Variants in FBXW8 observed in about 807,000 individuals in gnomAD.
FBXW8 encodes the protein F-box/WD repeat-containing protein 8.
Under a neutral mutation model 65.3 loss-of-function variants are expected in FBXW8, and 57 were observed. The ratio of observed to expected loss-of-function variants is 0.87; its 90% CI spans 0.71 to 1.09. The LOEUF (loss-of-function observed/expected upper bound fraction) is 1.09. FBXW8 is among the 50% of genes least tolerant of loss of function. The pLI, the probability that FBXW8 is intolerant of heterozygous loss-of-function variation, is 0.00. For missense variants in FBXW8, 777 were observed against 814.8 expected, an observed-to-expected ratio of 0.95 and a Z score of 0.57; for synonymous variants, 308 against 330.2, an observed-to-expected ratio of 0.93 and a Z score of 0.73.
At position 116,985,235 on chromosome 12, in the gene FBXW8, G is replaced by T. The variant is rs138718240; in HGVS notation, c.865G>T (p.Gly289Ter). The T allele has an allele frequency of 6.2e-7, 1 of 1,610,224 alleles. No individual in the cohort carries two copies. Among genetic ancestry groups the T allele is most frequent in the Non-Finnish European group, 8.5e-7 (1 of 1,178,920 alleles). Reference sequence around the variant, plus strand: ...TCTTAATATTTGGGATTTAAGGACCGGAAAGTACCCTGTTCATCGTTTTGA... The same window carrying T: ...TCTTAATATTTGGGATTTAAGGACCTGAAAGTACCCTGTTCATCGTTTTGA... Reference protein sequence around the residue: ...GFLNIWDLRTGKYPVHRFEHD... With the variant: ...GFLNIWDLRT Residue 289 changes from glycine to a stop codon, truncating the protein, a stop_gained, in exon 6 of 11, where the codon GGA (glycine) becomes TGA (stop). Transcript: ENST00000652555. LOFTEE classifies it high-confidence loss of function.
intron 4 of FBXW8, among the ~76,000 whole-genome samples, chr12:116,954,172 G>A (rs971655176): frequency 1.3e-5 from 2 of 150,932 alleles, no homozygotes; most frequent in Non-Finnish European, 2.9e-5. Flanking sequence ...TTTTGCAACC[G>A]TGTTAGAAAG....
At chr12:117,012,297 T>A (rs1953840759) in intron 8 of FBXW8, among the ~76,000 whole-genome samples, 1 of 152,170 alleles carries the variant, frequency 6.6e-6, no homozygotes, top group Admixed American at 6.5e-5. Context: ...ACATTTTTTT[T>A]TAAAACGCTC....
At chr12:116,993,214 C>T (rs1368339117) in intron 7 of FBXW8, among the ~76,000 whole-genome samples, 2 of 150,332 alleles carry the variant, frequency 1.3e-5, no homozygotes, top group Non-Finnish European at 3.0e-5. Flanking sequence ...AGCAGTTCTC[C>T]AGCCTTAGCC....
chr12:117,027,926 T>C, intron 10 of FBXW8, 102 bp from the exon 11 acceptor site: 1 of 1,491,978 alleles, frequency 6.7e-7, no homozygotes, highest in Non-Finnish European at 9.1e-7. Flanking sequence ...AAGCTGAACC[T>C]CTATCTGGTC....
intron 2 of FBXW8, among the ~76,000 whole-genome samples, chr12:116,940,947 A>G (rs1017673983): frequency 6.6e-6 from 1 of 152,226 alleles, no homozygotes; most frequent in African/African-American, 2.4e-5. Flanking sequence ...TATGAAAAAT[A>G]GTGGAAGGAA....
chr12:117,008,311 TTTA>T (rs1953725923), intron 7 of FBXW8, among the ~76,000 whole-genome samples: 1 of 152,236 alleles, frequency 6.6e-6, no homozygotes. Context: ...GGTTGCTCTT[TTTA>T]TTTTCTCCCT....
At position 117,010,316 on chromosome 12, in the gene FBXW8, C is replaced by T. The variant is rs564642656; in HGVS notation, c.1240-7C>T. The stretch of plus-strand genomic sequence containing the variant: ...TGTGGGCCCACACATTTCTCTTCCT[C>T]TCTCAGATCCTGGTGTATAGCCTGG... On this transcript the variant is annotated splice_region_variant and splice_polypyrimidine_tract_variant and intron_variant, in intron 7 of 10. Coordinates refer to ENST00000652555, the MANE Select transcript of FBXW8 (RefSeq NM_153348.3). 6.2e-7 allele frequency: 1 copy of T among 1,614,108 alleles called. No individual in the cohort carries two copies.
rs1320826274 is a variant in FBXW8, at chr12:117,028,854, G to GA, written c.*685dup. 4 of 152,546 alleles carry GA rather than the reference G, an allele frequency of 2.6e-5. No individual in the cohort carries two copies. The highest frequency in any genetic ancestry group is 9.7e-5 in the African/African-American group (4 of 41,436). 9.4% of individuals were successfully genotyped at this position (152,546 alleles called of 1,614,324 possible). On this transcript the variant is annotated 3_prime_UTR_variant, in exon 11 of 11. Coordinates refer to ENST00000652555, the MANE Select transcript of FBXW8 (RefSeq NM_153348.3). This position sits in a 1 kb window ranked among gnomAD's most constrained non-coding sequence, Gnocchi z 4.1. ...TCATTGACTAAACAGCCATCAAGAT[G>GA]AAACAGGACAGGAGAGAACTGTTCA...
intron 7 of FBXW8, among the ~76,000 whole-genome samples, chr12:117,003,318 A>G (rs1309526324): frequency 6.6e-6 from 1 of 152,216 alleles, no homozygotes; most frequent in Non-Finnish European, 1.5e-5. Context: ...CAAACACTGC[A>G]CAGGTATCCA....
At chr12:117,022,964 C>CTTAAGCCAT (rs1954136385) in intron 8 of FBXW8, among the ~76,000 whole-genome samples, 1 of 152,232 alleles carries the variant, frequency 6.6e-6, no homozygotes, top group South Asian at 2.1e-4. Context: ...CCAGGTCCCA[C>CTTAAGCCAT]TTAAGCCATC....
At chr12:116,923,789 C>G (rs931879435) in intron 1 of FBXW8, among the ~76,000 whole-genome samples, 1 of 152,096 alleles carries the variant, frequency 6.6e-6, no homozygotes, top group Non-Finnish European at 1.5e-5. Flanking sequence ...GGCGCGATCT[C>G]GGCTCACTGC....
At chr12:116,967,958 G>C (rs1467854158) in intron 5 of FBXW8, among the ~76,000 whole-genome samples, 1 of 152,028 alleles carries the variant, frequency 6.6e-6, no homozygotes, top group Non-Finnish European at 1.5e-5. Flanking sequence ...AGTAGAGCTG[G>C]GCTTTCACCA....
chr12:116,939,644 A>G lies in FBXW8; in HGVS notation c.424-5720A>G, dbSNP rs542195834. Among the ~76,000 whole-genome samples, 8 of 152,304 alleles carry G rather than the reference A, an allele frequency of 5.3e-5. No homozygotes were observed. In the South Asian group the frequency reaches 1.7e-3, roughly 32 times the overall value. ...ACTTTTACAAAATGTTATGGTTTCT[A>G]CAAAAAAGGCATATGTATGCCCAGG... On this transcript the variant is annotated intron_variant, in intron 2 of 10. Transcript: ENST00000652555.
intron 5 of FBXW8, among the ~76,000 whole-genome samples, chr12:116,970,796 T>C (rs375824760): frequency 1.7e-4 from 26 of 152,238 alleles, no homozygotes; most frequent in African/African-American, 6.3e-4. Context: ...AATTGATGGA[T>C]TGTGGAGAAG....
At chr12:116,979,094 C>T (rs376512475) in intron 5 of FBXW8, 6 of 152,194 alleles carry the variant, frequency 3.9e-5, no homozygotes, top group East Asian at 1.9e-4. Flanking sequence ...GTTCCCATGA[C>T]GAAGAATATA....
chr12:116,965,693 T>C (rs774215217), intron 5 of FBXW8, among the ~76,000 whole-genome samples: 12 of 152,218 alleles, frequency 7.9e-5, no homozygotes, highest in Non-Finnish European at 1.2e-4. Context: ...AAAACTAAAG[T>C]AGCTAATGGG....
chr12:116,921,340 GA>G (rs1449129610), intron 1 of FBXW8, among the ~76,000 whole-genome samples: 1 of 152,212 alleles, frequency 6.6e-6, no homozygotes, highest in Non-Finnish European at 1.5e-5. Flanking sequence ...TAGGCATGGG[GA>G]TTAGGTTAAA....
intron 9 of FBXW8, among the ~76,000 whole-genome samples, chr12:117,025,830 C>T (rs1336119916): frequency 6.6e-6 from 1 of 152,232 alleles, no homozygotes; most frequent in Non-Finnish European, 1.5e-5. Context: ...TGGCTGCCAG[C>T]CCCCAACTCC....
chr12:117,000,870 A>G (rs1953501284), intron 7 of FBXW8, among the ~76,000 whole-genome samples: 1 of 152,250 alleles, frequency 6.6e-6, no homozygotes, highest in Non-Finnish European at 1.5e-5. Context: ...TTGGTAGGAC[A>G]GGAAAGACAT....
Sources: gnomAD v4.1 joint callset for allele counts (sites outside exome capture counted in the v4.1 genomes callset) on GRCh38, gnomAD v4.1.1 for gene constraint, Gnocchi (gnomAD v3.1) non-coding constraint, MANE v1.5 for transcripts, NCBI Gene and HGNC (gene_info 2026-07-23, HGNC 2026-07-21) for gene names.